Variants in GABRA3 observed in about 807,000 individuals in gnomAD.
GABRA3 encodes the protein gamma-aminobutyric acid receptor subunit alpha-3.
A neutral mutation model predicts 30.1 loss-of-function variants in GABRA3; 10 were observed. The observed-to-expected ratio is 0.33, with a 90% confidence interval of 0.20 to 0.56. The LOEUF is 0.56. GABRA3 is among the 20% of genes least tolerant of loss of function. The pLI is 0.89. For missense variants in GABRA3, 233 were observed against 392.0 expected (o/e 0.59, Z 3.42); for synonymous variants, 151 against 146.8 (o/e 1.03, Z -0.21).
intron 9 of GABRA3, among the ~76,000 whole-genome samples, chrX:152,179,194 G>A (rs1401588563): frequency 9.0e-6 from 1 of 111,475 alleles, no homozygotes; most frequent in Non-Finnish European, 1.9e-5. Flanking sequence ...GAAATTGCAT[G>A]TATTTATCAT....
intron 5 of GABRA3, among the ~76,000 whole-genome samples, chrX:152,248,710 T>C: frequency 9.0e-6 from 1 of 111,493 alleles, no homozygotes; most frequent in East Asian, 2.8e-4. Flanking sequence ...AAAGGATGCA[T>C]ATTTATAATT....
At chrX:152,402,143 C>G (rs1929811261) in intron 1 of GABRA3, among the ~76,000 whole-genome samples, 1 of 112,104 alleles carries the variant, frequency 8.9e-6, no homozygotes, top group Admixed American at 9.4e-5. Context: ...TGAAGAAACA[C>G]AATAGTACAG....
intron 4 of GABRA3, among the ~76,000 whole-genome samples, chrX:152,276,515 G>A (rs751638452): frequency 5.4e-5 from 6 of 111,111 alleles, no homozygotes; most frequent in Non-Finnish European, 9.4e-5. Flanking sequence ...TTATCTTTAG[G>A]TACACACCCT....
At chrX:152,419,905 C>G (rs1414134312) in intron 1 of GABRA3, among the ~76,000 whole-genome samples, 1 of 110,881 alleles carries the variant, frequency 9.0e-6, no homozygotes, top group Non-Finnish European at 1.9e-5. Context: ...CACATAGTTC[C>G]CATCCTGTGT....
intron 3 of GABRA3, among the ~76,000 whole-genome samples, chrX:152,338,569 T>C (rs1457707329): frequency 3.6e-5 from 4 of 112,055 alleles, no homozygotes; most frequent in Non-Finnish European, 5.6e-5. Flanking sequence ...GCTTTTGTCA[T>C]CTGTGCTTTC....
At chrX:152,169,713 G>T (rs868678681) in intron 9 of GABRA3, among the ~76,000 whole-genome samples, 28 of 111,728 alleles carry the variant, frequency 2.5e-4, no homozygotes, top group Middle Eastern at 4.6e-3. Context: ...TTTGGCTCTA[G>T]GGAAAAGTGG....
At chrX:152,438,970 C>A (rs996744517) in intron 1 of GABRA3, among the ~76,000 whole-genome samples, 1 of 109,994 alleles carries the variant, frequency 9.1e-6, no homozygotes. Flanking sequence ...AAGCTATAGA[C>A]GTGAGTTAAT....
At chrX:152,203,962 G>GC in intron 7 of GABRA3, among the ~76,000 whole-genome samples, 1 of 111,726 alleles carries the variant, frequency 9.0e-6, no homozygotes, top group South Asian at 3.7e-4. Flanking sequence ...TCTCCCTACC[G>GC]CAAGAACTGA....
chrX:152,417,377 T>A (rs1225123842), intron 1 of GABRA3, among the ~76,000 whole-genome samples: 89 of 109,800 alleles, frequency 8.1e-4, no homozygotes, highest in African/African-American at 2.5e-3. Flanking sequence ...AGGAAACAAC[T>A]GGTGCTGGAG....
At chrX:152,281,323 G>A (rs182596393) in intron 4 of GABRA3, among the ~76,000 whole-genome samples, 12 of 111,296 alleles carry the variant, frequency 1.1e-4, no homozygotes, top group African/African-American at 1.6e-4. Context: ...AAGGTTGCAT[G>A]GCCCCAGTTC....
At chrX:152,407,190 AAACAAACTCAAAG>A (rs1261499346) in intron 1 of GABRA3, among the ~76,000 whole-genome samples, 1 of 111,802 alleles carries the variant, frequency 8.9e-6, no homozygotes, top group Non-Finnish European at 1.9e-5. Context: ...AGGAAGAGCA[AAACAAACTCAAAG>A]TTAGTAGAAG....
intron 3 of GABRA3, among the ~76,000 whole-genome samples, chrX:152,314,715 C>T (rs1939846600): frequency 8.9e-6 from 1 of 112,369 alleles, no homozygotes. Context: ...TTAAATGGCA[C>T]TTCGTCAGAG....
At chrX:152,325,267 G>C (rs1298763182) in intron 3 of GABRA3, among the ~76,000 whole-genome samples, 1 of 112,036 alleles carries the variant, frequency 8.9e-6, no homozygotes, top group Non-Finnish European at 1.9e-5. Context: ...AATAGGAACA[G>C]CTCCAGTCTA....
chrX:152,182,633 C>G (rs1427390678), intron 9 of GABRA3, among the ~76,000 whole-genome samples: 1 of 3,324 alleles, frequency 3.0e-4, no homozygotes, highest in African/African-American at 6.0e-4. Context: ...TATATATACA[C>G]TATATATACA....
chrX:152,362,747 T>G (rs1001219045), intron 2 of GABRA3, among the ~76,000 whole-genome samples: 1 of 111,427 alleles, frequency 9.0e-6, no homozygotes, highest in Non-Finnish European at 1.9e-5. Context: ...AAATGACAAA[T>G]CTTGGTGATT....
At chrX:152,227,406 T>G (rs1937981554) in intron 5 of GABRA3, among the ~76,000 whole-genome samples, 1 of 88,877 alleles carries the variant, frequency 1.1e-5, no homozygotes, top group African/African-American at 4.1e-5. Flanking sequence ...GGGGGAGGGA[T>G]AGCATTAGGA....
chrX:152,325,092 A>G (rs1452396036), intron 3 of GABRA3, among the ~76,000 whole-genome samples: 1 of 111,528 alleles, frequency 9.0e-6, no homozygotes, highest in Admixed American at 9.5e-5. Context: ...TAGGCTGGAT[A>G]TTAATAAACC....
chrX:152,435,855 T>C (rs993367663), intron 1 of GABRA3, among the ~76,000 whole-genome samples: 8 of 111,398 alleles, frequency 7.2e-5, no homozygotes, highest in Non-Finnish European at 1.5e-4. Flanking sequence ...TAGACAAAAA[T>C]TAATTGTATT....
chrX:152,381,358 T>C (rs1929139357), intron 1 of GABRA3, among the ~76,000 whole-genome samples: 1 of 111,855 alleles, frequency 8.9e-6, no homozygotes, highest in African/African-American at 3.3e-5. Flanking sequence ...ATATGTTCTT[T>C]TGAGAAATGT....
Sources: allele counts gnomAD v4.1 joint callset (sites outside exome capture counted in the v4.1 genomes callset), GRCh38; gene constraint gnomAD v4.1.1; transcripts MANE v1.5; gene names NCBI Gene and HGNC (gene_info 2026-07-23, HGNC 2026-07-21).